Variants in TMPRSS9 observed in about 807,000 individuals in gnomAD.
TMPRSS9 encodes transmembrane protease serine 9.
A neutral mutation model predicts 111.4 loss-of-function variants in TMPRSS9; 113 were observed. The observed-to-expected ratio is 1.01, with a 90% CI of 0.87 to 1.19. TMPRSS9 has a LOEUF of 1.19. TMPRSS9 is among the 50% of genes most tolerant of loss of function. TMPRSS9 has a pLI of 0.00. For synonymous variants in TMPRSS9, 805 were observed against 659.1 expected, an observed-to-expected ratio of 1.22 and a Z score of -3.39; for missense variants, 1,803 against 1,513.1, an observed-to-expected ratio of 1.19 and a Z score of -3.18.
chr19:2,397,962 C>G (rs547009204), intron 2 of TMPRSS9, among the ~76,000 whole-genome samples: 14 of 106,892 alleles, frequency 1.3e-4, no homozygotes, highest in African/African-American at 5.2e-4. Flanking sequence ...GTGGCTCACG[C>G]CTGTGACGCC....
intron 1 of TMPRSS9, among the ~76,000 whole-genome samples, chr19:2,373,442 C>T (rs1970305703): frequency 2.0e-5 from 3 of 151,850 alleles, no homozygotes; most frequent in African/African-American, 7.2e-5. Flanking sequence ...GTTGGCCAGG[C>T]TGGTCTCAAA....
chr19:2,404,893 C>T (rs1004984018), intron 6 of TMPRSS9, among the ~76,000 whole-genome samples: 3 of 147,624 alleles, frequency 2.0e-5, no homozygotes, highest in Admixed American at 1.4e-4. Context: ...GATCACGCCA[C>T]TGCACTCCAG....
intron 14 of TMPRSS9, 59 bp downstream of exon 15, chr19:2,422,306 G>A (rs1971485688): frequency 6.8e-7 from 1 of 1,472,716 alleles, no homozygotes; most frequent in Admixed American, 2.4e-5. Flanking sequence ...ATCAGCCTGG[G>A]CTGCCTAACA....
intron 1 of TMPRSS9, among the ~76,000 whole-genome samples, chr19:2,368,729 G>A (rs991716710): frequency 6.7e-6 from 1 of 149,308 alleles, no homozygotes. Flanking sequence ...AACGTTTTTG[G>A]ATGGACTGGG....
intron 1 of TMPRSS9, among the ~76,000 whole-genome samples, chr19:2,364,714 G>A (rs957234344): frequency 4.6e-5 from 7 of 152,158 alleles, no homozygotes; most frequent in East Asian, 3.9e-4. Flanking sequence ...GGCCGGGAAC[G>A]GTGGCTCACG....
intron 1 of TMPRSS9, among the ~76,000 whole-genome samples, chr19:2,362,194 G>T (rs1286078324): frequency 2.0e-5 from 3 of 152,138 alleles, no homozygotes; most frequent in African/African-American, 7.2e-5. Flanking sequence ...ATGCGTGATT[G>T]TGTATGGTTG....
chr19:2,401,194 A>T (rs920449942), intron 4 of TMPRSS9, among the ~76,000 whole-genome samples: 11 of 152,098 alleles, frequency 7.2e-5, no homozygotes, highest in Non-Finnish European at 1.2e-4. Flanking sequence ...GAATAGCGTG[A>T]ACCCGGGAGG....
At position 2,362,369 on chromosome 19, in the gene TMPRSS9, C is replaced by T. The variant is rs139700799; in HGVS notation, c.-26+2009C>T. 2.1e-3 allele frequency among the ~76,000 whole-genome samples: 311 copies of T among 148,170 alleles called. No individual in the cohort carries two copies. In the Middle Eastern group the frequency reaches 0.021, roughly 10 times the overall value. On this transcript the variant is annotated intron_variant, in intron 1 of 17. Coordinates refer to the TMPRSS9 transcript ENST00000649857. The stretch of plus-strand genomic sequence containing the variant: ...GTGCGAGATTGTGTGACTGTGCAGC[C>T]ATGTGTGTCATTGTGCCTGTGATTG...
intron 4 of TMPRSS9, 47 bp downstream of exon 5, chr19:2,399,240 T>C (rs1414909811): frequency 3.9e-6 from 6 of 1,533,820 alleles, no homozygotes; most frequent in Non-Finnish European, 5.2e-6. Context: ...GAGGCTGGAG[T>C]GGGGCAGGAG....
At position 2,411,299 on chromosome 19, in the gene TMPRSS9, C is replaced by CAA. The variant is rs771305642; in HGVS notation, c.1254+938_1254+939dup. Among the ~76,000 whole-genome samples the CAA allele has an allele frequency of 1.0e-2, 323 of 32,306 alleles. 10 individuals carry two copies. The highest frequency in any genetic ancestry group is 0.023 in the East Asian group (13 of 562). 21.2% of individuals were successfully genotyped at this position (32,306 alleles called of 152,430 possible). A position where few individuals can be genotyped will look rare whatever the true frequency, so the allele number is the denominator to read the frequency against. On this transcript the variant is annotated intron_variant, in intron 9 of 17. Transcript: ENST00000648592. ...TGGGCGACAAAGCAAGACTCTGTCT[C>CAA]AAAAAAAAAAAAAAAAAAAAAAAAA...
intron 3 of TMPRSS9, 52 bp downstream of exon 4, chr19:2,398,914 T>G: frequency 6.5e-7 from 1 of 1,531,358 alleles, no homozygotes; most frequent in Non-Finnish European, 8.7e-7. Context: ...ATCTGGGAGT[T>G]TCTGGAGGAG....
upstream of TMPRSS9, among the ~76,000 whole-genome samples, chr19:2,384,996 AG>A (rs199864137): frequency 1.1e-4 from 14 of 133,236 alleles, no homozygotes; most frequent in African/African-American, 4.3e-4. Context: ...AAAAAAAAAA[AG>A]AGAGAAAAGC....
chr19:2,407,033 C>G (rs949959221), intron 7 of TMPRSS9, among the ~76,000 whole-genome samples: 1 of 151,694 alleles, frequency 6.6e-6, no homozygotes, highest in African/African-American at 2.4e-5. Context: ...CTCCTGGCCT[C>G]AAGTGATCTG....
At chr19:2,396,726 C>G (rs1970717744) in intron 2 of TMPRSS9, 60 bp downstream of exon 3, 2 of 1,545,298 alleles carry the variant, frequency 1.3e-6, no homozygotes, top group Non-Finnish European at 8.8e-7. Flanking sequence ...GGGCTTTGAC[C>G]TGGAGGTGCT....
chr19:2,379,472 A>G (rs1224733660), intron 1 of TMPRSS9, among the ~76,000 whole-genome samples: 1 of 151,900 alleles, frequency 6.6e-6, no homozygotes, highest in Non-Finnish European at 1.5e-5. Context: ...GGCATGAGCC[A>G]CCGTGCCCAG....
At chr19:2,389,540 G>A (rs569607285), upstream of TMPRSS9, among the ~76,000 whole-genome samples, 1 of 151,894 alleles carries the variant, frequency 6.6e-6, no homozygotes, top group Admixed American at 6.6e-5. Flanking sequence ...GGCTAATTTT[G>A]GATTTTTAGT....
chr19:2,385,175 G>A (rs1417759599), upstream of TMPRSS9, among the ~76,000 whole-genome samples: 47 of 131,878 alleles, frequency 3.6e-4, 1 homozygote, highest in Admixed American at 1.3e-3. Flanking sequence ...GGGCTCGCGG[G>A]GGGCGGGGCT....
intron 1 of TMPRSS9, among the ~76,000 whole-genome samples, chr19:2,393,965 G>A (rs1430541051): frequency 6.6e-6 from 1 of 151,070 alleles, no homozygotes; most frequent in Non-Finnish European, 1.5e-5. Flanking sequence ...CACTCTGGGA[G>A]GCCGGGTTGG....
At chr19:2,410,445 C>T (rs1259108345) in intron 9 of TMPRSS9, 51 bp downstream of exon 10, 1 of 1,602,616 alleles carries the variant, frequency 6.2e-7, no homozygotes, top group Non-Finnish European at 8.5e-7. Context: ...TAGACACGAG[C>T]ATGTTCAAAT....
Sources: gnomAD v4.1 joint callset for allele counts (sites outside exome capture counted in the v4.1 genomes callset) on GRCh38, gnomAD v4.1.1 for gene constraint, MANE v1.5 for transcripts, NCBI Gene and HGNC (gene_info 2026-07-23, HGNC 2026-07-21) for gene names.